PBX3: variants seen among roughly 807,000 people sequenced by gnomAD.
PBX3 encodes the protein PBX homeobox 3.
PBX3 carries 14 observed loss-of-function variants against 48.5 expected under a neutral mutation model. That is an observed-to-expected ratio of 0.29 (90% CI 0.19 to 0.45). The LOEUF is 0.45. Among genes scored for constraint, PBX3 ranks in the 20% least tolerant of loss-of-function variants. The pLI is 1.00. For synonymous variants in PBX3, 210 were observed against 200.3 expected (o/e 1.05, Z -0.41); for missense variants, 386 against 546.7 (o/e 0.71, Z 2.93).
chr9:125,903,934 GC>G (rs1049968281), intron 2 of PBX3, among the ~76,000 whole-genome samples: 4 of 151,810 alleles, frequency 2.6e-5, no homozygotes, highest in African/African-American at 9.7e-5. Context: ...ACTGTGGTGT[GC>G]CTCAGTTTCA....
rs117832629 is a variant in PBX3 at position 125,906,654 on chromosome 9, G to A, written c.275-9032G>A. On this transcript the variant is annotated intron_variant, in intron 2 of 8. Coordinates refer to ENST00000373489, the MANE Select transcript of PBX3 (RefSeq NM_006195.6). ...GTATATATGGTATTTTAATTCAAGT[G>A]GGGTCTAGTATTTTCATTTGAGAAA... 6.9e-3 allele frequency among the ~76,000 whole-genome samples: 1,042 copies of A among 152,000 alleles called. 4 individuals carry two copies. Among genetic ancestry groups the A allele is most frequent in the Middle Eastern group, 0.027 (8 of 294 alleles).
At chr9:125,899,638 C>A (rs1384202711) in intron 2 of PBX3, among the ~76,000 whole-genome samples, 2 of 151,170 alleles carry the variant, frequency 1.3e-5, no homozygotes, top group Non-Finnish European at 3.0e-5. Context: ...GTTGGCAGAA[C>A]ATCATATAGA....
At chr9:125,954,939 A>G (rs1460806154) in intron 5 of PBX3, among the ~76,000 whole-genome samples, 1 of 152,252 alleles carries the variant, frequency 6.6e-6, no homozygotes, top group Admixed American at 6.5e-5. Flanking sequence ...TTAAGATGTC[A>G]ACATTTATGA....
At chr9:125,849,278 C>G (rs1380009560) in intron 2 of PBX3, among the ~76,000 whole-genome samples, 1 of 151,614 alleles carries the variant, frequency 6.6e-6, no homozygotes, top group Non-Finnish European at 1.5e-5. Context: ...CTGTGATGTC[C>G]TCATGTGTGC....
At chr9:125,771,419 T>C (rs1836938079) in intron 2 of PBX3, among the ~76,000 whole-genome samples, 2 of 152,226 alleles carry the variant, frequency 1.3e-5, no homozygotes. Flanking sequence ...ACATTATAAC[T>C]ATGACCTGGT....
At chr9:125,751,260 C>G (rs753963690) in intron 2 of PBX3, among the ~76,000 whole-genome samples, 6 of 152,114 alleles carry the variant, frequency 3.9e-5, no homozygotes, top group Non-Finnish European at 8.8e-5. Context: ...ACTGTCATTT[C>G]AGTGGATAAT....
At chr9:125,748,309 G>T in intron 1 of PBX3, 1 of 1,163,780 alleles carries the variant, frequency 8.6e-7, no homozygotes, top group Non-Finnish European at 1.1e-6. Context: ...CGCGTCTGCA[G>T]TGGCCGAGGC....
intron 8 of PBX3, among the ~76,000 whole-genome samples, chr9:125,964,823 T>C (rs551096142): frequency 4.3e-4 from 66 of 152,202 alleles, no homozygotes; most frequent in Admixed American, 1.2e-3. Flanking sequence ...AAGAGGGCAT[T>C]TTGGATGGAC....
At chr9:125,752,217 A>C (rs1184535564) in intron 2 of PBX3, among the ~76,000 whole-genome samples, 3 of 152,122 alleles carry the variant, frequency 2.0e-5, no homozygotes, top group Non-Finnish European at 4.4e-5. Context: ...GGTTTGCCAG[A>C]TTTGTAGCCT....
At chr9:125,853,912 A>C (rs1839649423) in intron 2 of PBX3, among the ~76,000 whole-genome samples, 2 of 152,172 alleles carry the variant, frequency 1.3e-5, no homozygotes, top group Non-Finnish European at 2.9e-5. Flanking sequence ...TATGCCCAAT[A>C]TGAGTTAATA....
intron 2 of PBX3, among the ~76,000 whole-genome samples, chr9:125,835,163 T>C (rs529097924): frequency 6.6e-6 from 1 of 152,142 alleles, no homozygotes; most frequent in South Asian, 2.1e-4. Context: ...AATTACTACT[T>C]ATTGAGTGTT....
chr9:125,763,011 G>A (rs1199641603), intron 2 of PBX3, among the ~76,000 whole-genome samples: 1 of 152,266 alleles, frequency 6.6e-6, no homozygotes, highest in East Asian at 1.9e-4. Context: ...TTGGTAATAA[G>A]CCTCTTTAAA....
intron 2 of PBX3, among the ~76,000 whole-genome samples, chr9:125,816,561 G>T (rs1325787202): frequency 6.6e-6 from 1 of 152,216 alleles, no homozygotes; most frequent in Non-Finnish European, 1.5e-5. Context: ...AATTAGGAAA[G>T]TGAGGATTAG....
chr9:125,849,818 A>G (rs1839528826), intron 2 of PBX3, among the ~76,000 whole-genome samples: 2 of 152,028 alleles, frequency 1.3e-5, no homozygotes, highest in Non-Finnish European at 1.5e-5. Context: ...CTTTAGATGC[A>G]TTAGATAAAT....
chr9:125,760,787 G>T (rs1411300466), intron 2 of PBX3, among the ~76,000 whole-genome samples: 1 of 152,182 alleles, frequency 6.6e-6, no homozygotes, highest in Admixed American at 6.5e-5. Flanking sequence ...ATGAAGTTAA[G>T]CATGTGTGAA....
At chr9:125,844,490 T>G (rs1839375616) in intron 2 of PBX3, 1 of 152,146 alleles carries the variant, frequency 6.6e-6, no homozygotes, top group African/African-American at 2.4e-5. Context: ...CTGAAAAGTA[T>G]GCTTAAATAT....
chr9:125,930,465 C>A (rs1384646840), intron 4 of PBX3, among the ~76,000 whole-genome samples: 1 of 152,148 alleles, frequency 6.6e-6, no homozygotes, highest in Non-Finnish European at 1.5e-5. Flanking sequence ...GAAGAATTGT[C>A]AACGTCATAG....
At chr9:125,849,371 A>C (rs1230243041) in intron 2 of PBX3, among the ~76,000 whole-genome samples, 1 of 151,984 alleles carries the variant, frequency 6.6e-6, no homozygotes, top group Admixed American at 6.6e-5. Flanking sequence ...GGATTTAAAA[A>C]AAAAAAAGGA....
At chr9:125,941,273 AG>A (rs1841953596) in intron 5 of PBX3, among the ~76,000 whole-genome samples, 1 of 152,222 alleles carries the variant, frequency 6.6e-6, no homozygotes, top group Non-Finnish European at 1.5e-5. Flanking sequence ...GCCCTGAGCA[AG>A]GGAGCAAGTA....
Sources: allele counts gnomAD v4.1 joint callset (sites outside exome capture counted in the v4.1 genomes callset), GRCh38; gene constraint gnomAD v4.1.1; transcripts MANE v1.5; gene names NCBI Gene and HGNC (gene_info 2026-07-23, HGNC 2026-07-21).